Variants in RAB11FIP5 observed in about 807,000 individuals in gnomAD.
The protein encoded by RAB11FIP5 is RAB11 family interacting protein 5, also known as rab11 family-interacting protein 5.
In RAB11FIP5, 48 loss-of-function variants were observed where a neutral mutation model predicts 85.1. The ratio of observed to expected loss-of-function variants is 0.56; its 90% CI spans 0.45 to 0.72. The LOEUF (loss-of-function observed/expected upper bound fraction) is 0.72, where lower values mean the gene tolerates loss of function less well. RAB11FIP5 is among the 30% of genes least tolerant of loss of function. The probability of loss-of-function intolerance (pLI) is 0.00; values close to 1 mark genes in which losing one functional copy is unlikely to be tolerated. For synonymous variants in RAB11FIP5, 729 were observed against 727.3 expected, an observed-to-expected ratio of 1.00 and a Z score of -0.04; for missense variants, 1,491 against 1,687.0, an observed-to-expected ratio of 0.88 and a Z score of 2.04.
At chr2:73,102,682 AC>A (rs959150887) in intron 1 of RAB11FIP5, among the ~76,000 whole-genome samples, 2 of 152,152 alleles carry the variant, frequency 1.3e-5, no homozygotes, top group Non-Finnish European at 2.9e-5. Context: ...CTGAGAAGGG[AC>A]CCGAGATGCA....
Position 73,091,053 on chromosome 2 carries a change from T to C in RAB11FIP5, c.432-1738A>G, listed in dbSNP as rs76794347. 3.5e-3 allele frequency among the ~76,000 whole-genome samples: 529 copies of C among 151,908 alleles called. 4 individuals carry two copies. Among genetic ancestry groups the C allele is most frequent in the African/African-American group, 0.012 (506 of 41,374 alleles). ...GTAAACTTAAAACTGCTCTGAAAAATAGACTTTATTAACTAAAAAAAAGAG... is the reference window on the plus strand; with the variant it reads ...GTAAACTTAAAACTGCTCTGAAAAACAGACTTTATTAACTAAAAAAAAGAG... On this transcript the variant is annotated intron_variant, in intron 1 of 5. Transcript: ENST00000486777.
At chr2:73,079,541 C>T (rs1474522950) in intron 4 of RAB11FIP5, 110 bp downstream of exon 4, 26 of 1,202,980 alleles carry the variant, frequency 2.2e-5, no homozygotes, top group Non-Finnish European at 2.6e-5. Flanking sequence ...GAGACCCTCA[C>T]CTGCCCCACA....
At position 73,112,807 on chromosome 2, in the gene RAB11FIP5, G is replaced by C. The variant is rs1236704547; in HGVS notation, c.-30C>G. 7.1e-7 allele frequency: 1 copy of C among 1,407,122 alleles called. No homozygotes were observed. The highest frequency in any genetic ancestry group is 2.8e-5 in the East Asian group (1 of 35,482). The allele number at this position is 1,407,122 out of a possible 1,614,324, so 87.2% of individuals were successfully genotyped here. On this transcript the variant is annotated 5_prime_UTR_variant, in exon 1 of 6. Coordinates refer to ENST00000486777, the MANE Select transcript of RAB11FIP5 (RefSeq NM_001371272.1). ...GAGAAGCGGGGGGCGAGGTCTGGCC[G>C]AGCCGGTGCAGACCCCAGGACCTGG...
chr2:73,081,087 CCCACCTCTTCCTCCTCCTCCT>C lies in RAB11FIP5; in HGVS notation c.2124_2144del (p.Gly709_Gly715del). On this transcript the variant is annotated inframe_deletion, in exon 4 of 6. Coordinates refer to ENST00000486777, the MANE Select transcript of RAB11FIP5 (RefSeq NM_001371272.1). This position sits in a 1 kb window ranked among gnomAD's most constrained non-coding sequence, Gnocchi z 4.2. ...CCCTGGGCTCCAGCCACACGCTGCT[CCCACCTCTTCCTCCTCCTCCT>C]CCTCCTCCTCCTCCTCCTCCCCCAG... 8.2e-7 allele frequency: 1 copy of C among 1,221,444 alleles called. No homozygotes were observed. Among genetic ancestry groups the C allele is most frequent in the African/African-American group, 1.8e-5 (1 of 54,476 alleles). 75.7% of individuals were successfully genotyped at this position (1,221,444 alleles called of 1,614,324 possible). A position where few individuals can be genotyped will look rare whatever the true frequency, so the allele number is the denominator to read the frequency against.
At chr2:73,101,906 G>A (rs1684437587) in intron 1 of RAB11FIP5, among the ~76,000 whole-genome samples, 1 of 152,202 alleles carries the variant, frequency 6.6e-6, no homozygotes, top group South Asian at 2.1e-4. Context: ...TGTTCCCCAA[G>A]TATTTGCCAG....
intron 1 of RAB11FIP5, among the ~76,000 whole-genome samples, chr2:73,107,562 G>C (rs1025203279): frequency 1.3e-5 from 2 of 152,132 alleles, no homozygotes; most frequent in Non-Finnish European, 2.9e-5. Context: ...GCCAGGGGCA[G>C]ATGGGGAGGG....
At chr2:73,110,338 A>T (rs1288584636) in intron 1 of RAB11FIP5, among the ~76,000 whole-genome samples, 1 of 152,168 alleles carries the variant, frequency 6.6e-6, no homozygotes. Flanking sequence ...TGACCACTAC[A>T]GCCAGAGGTG....
chr2:73,089,626 C>A lies in RAB11FIP5; in HGVS notation c.432-311G>T, dbSNP rs781102928. On this transcript the variant is annotated intron_variant, in intron 1 of 5. Transcript: ENST00000486777. The surrounding 1 kb of genome is among the most constrained non-coding windows in gnomAD (Gnocchi z 4.6). The stretch of plus-strand genomic sequence containing the variant: ...AGGACCTTCTCCTGGTGCTCAGAGA[C>A]CTCTCCTCTGCCCCATCTCCCCTAC... The A allele has an allele frequency of 2.3e-6, 1 of 444,184 alleles. No individual in the cohort carries two copies. Among genetic ancestry groups the A allele is most frequent in the Non-Finnish European group, 4.2e-6 (1 of 237,430 alleles). The allele number at this position is 444,184 out of a possible 1,614,324, so 27.5% of individuals were successfully genotyped here.
At position 73,079,973 on chromosome 2, in the gene RAB11FIP5, C is replaced by T; in HGVS notation, c.3259G>A (p.Glu1087Lys). The T allele has an allele frequency of 1.6e-6, 2 of 1,232,192 alleles. No homozygotes were observed. The highest frequency in any genetic ancestry group is 2.0e-6 in the Non-Finnish European group (2 of 988,018). 76.3% of individuals were successfully genotyped at this position (1,232,192 alleles called of 1,614,324 possible). ...LSSASPPGSR[E>K]SSIHSGPEEL... ...TCTGGACCAGAATGAATAGAAGATT[C>T]CCTCGACCCTGGCGGGGATGCAGAT... is the stretch of plus-strand genomic sequence containing the variant. Residue 1087 changes from glutamate to lysine, a missense_variant, in exon 4 of 6, where the codon GAA becomes AAA. Physicochemically the swap from Glu to Lys is moderately conservative, Grantham distance 56. Transcript: ENST00000486777.
In RAB11FIP5 at chr2:73,075,545, C is replaced by G. The variant is rs374670904; in HGVS notation, c.3951G>C (p.Gln1317His). 2 of 1,614,080 alleles carry G rather than the reference C, an allele frequency of 1.2e-6. No individual in the cohort carries two copies. Among genetic ancestry groups the G allele is most frequent in the Non-Finnish European group, 8.5e-7 (1 of 1,179,970 alleles). ...GCTATTTGGGGGGGCCCGGGGGGAT[C>G]TGCAGCAGCGTGGGTGAGGTCTCCA... ...RIMETSPTLL[Q>H]IPPGPPK The change falls in exon 6 of 6, where the codon CAG becomes CAC. Residue 1317 changes from glutamine to histidine, a missense_variant. Coordinates refer to ENST00000486777, the MANE Select transcript of RAB11FIP5 (RefSeq NM_001371272.1). The surrounding 1 kb of genome is among the most constrained non-coding windows in gnomAD (Gnocchi z 4.6).
intron 1 of RAB11FIP5, among the ~76,000 whole-genome samples, chr2:73,096,354 G>A (rs1368725651): frequency 6.6e-6 from 1 of 152,160 alleles, no homozygotes; most frequent in Non-Finnish European, 1.5e-5. Flanking sequence ...AGCTGACCTG[G>A]GGCAGCTGTC....
At chr2:73,092,207 G>A (rs1411113163) in intron 1 of RAB11FIP5, among the ~76,000 whole-genome samples, 1 of 152,182 alleles carries the variant, frequency 6.6e-6, no homozygotes, top group Non-Finnish European at 1.5e-5. Context: ...TGGGAGGTAG[G>A]GCAAAAGAGA....
In RAB11FIP5 at chr2:73,112,327, C is replaced by G. The variant is rs760626726; in HGVS notation, c.431+20G>C. On this transcript the variant is annotated intron_variant, in intron 1 of 5. Coordinates refer to ENST00000486777, the MANE Select transcript of RAB11FIP5 (RefSeq NM_001371272.1). The stretch of plus-strand genomic sequence containing the variant: ...TGTTAGGCCTTTAGCCGTTTCTGTG[C>G]CCCCGCGCCCCCTACTCACTGCGTG... 7 of 1,552,424 alleles carry G rather than the reference C, an allele frequency of 4.5e-6. No homozygotes were observed. The South Asian group carries it at 6.0e-5, about 13-fold the overall frequency.
At position 73,089,095 on chromosome 2, in the gene RAB11FIP5, C is replaced by T. The variant is rs756623884; in HGVS notation, c.652G>A (p.Glu218Lys). 1 of 1,614,222 alleles carries T rather than the reference C, an allele frequency of 6.2e-7. No homozygotes were observed. Among genetic ancestry groups the T allele is most frequent in the Non-Finnish European group, 8.5e-7 (1 of 1,180,036 alleles). The change falls in exon 2 of 6, where the codon GAG becomes AAG. Residue 218 changes from glutamate (E) to lysine (K), a missense_variant. Coordinates refer to ENST00000486777, the MANE Select transcript of RAB11FIP5 (RefSeq NM_001371272.1). This position sits in a 1 kb window ranked among gnomAD's most constrained non-coding sequence, Gnocchi z 4.6. ...ASAILPSSAI[E>K]DPDLGSLGKM... ...CCCAGGCTGCCCAGGTCAGGATCCT[C>T]TATGGCGCTGCTTGGGAGGATGGCA...
intron 2 of RAB11FIP5, 46 bp from the exon 3 acceptor site, chr2:73,088,795 A>G (rs748611113): frequency 6.5e-7 from 1 of 1,539,440 alleles, no homozygotes; most frequent in South Asian, 1.3e-5. Context: ...GAGAGGCCCC[A>G]TTTCCTGGCC....
intron 4 of RAB11FIP5, among the ~76,000 whole-genome samples, chr2:73,077,031 C>A (rs1400109705): frequency 6.6e-6 from 1 of 152,170 alleles, no homozygotes; most frequent in South Asian, 2.1e-4. Context: ...GACCCCACAG[C>A]CCCTTCTCAG....
intron 1 of RAB11FIP5, among the ~76,000 whole-genome samples, chr2:73,092,337 C>G (rs937353934): frequency 1.9e-4 from 29 of 152,248 alleles, no homozygotes; most frequent in African/African-American, 7.0e-4. Context: ...TCACACTGCA[C>G]ACACCACAGC....
chr2:73,111,751 A>G (rs1684659554), intron 1 of RAB11FIP5, among the ~76,000 whole-genome samples: 1 of 152,046 alleles, frequency 6.6e-6, no homozygotes, highest in Non-Finnish European at 1.5e-5. Flanking sequence ...CCAGGGACAC[A>G]GGACACAGAG....
chr2:73,089,733 ACCC>A lies in RAB11FIP5; in HGVS notation c.432-421_432-419del. 1 of 312,012 alleles carries A rather than the reference ACCC, an allele frequency of 3.2e-6. No homozygotes were observed. Among genetic ancestry groups the A allele is most frequent in the Non-Finnish European group, 6.2e-6 (1 of 160,548 alleles). The allele number at this position is 312,012 out of a possible 1,614,324, so 19.3% of individuals were successfully genotyped here. A position where few individuals can be genotyped will look rare whatever the true frequency, so the allele number is the denominator to read the frequency against. ...TCCAGGCCCCAGCACAGACAGACCT[ACCC>A]ACATTTCTCCCTGTTGACATCATCT... On this transcript the variant is annotated intron_variant, in intron 1 of 5. Transcript: ENST00000486777. The surrounding 1 kb of genome is among the most constrained non-coding windows in gnomAD (Gnocchi z 4.6).
Sources: gnomAD v4.1 joint callset for allele counts (sites outside exome capture counted in the v4.1 genomes callset) on GRCh38, gnomAD v4.1.1 for gene constraint, Gnocchi (gnomAD v3.1) non-coding constraint, MANE v1.5 for transcripts, NCBI Gene and HGNC (gene_info 2026-07-23, HGNC 2026-07-21) for gene names.